The following TBC1D19 variants were observed in gnomAD, a reference collection of about 807,000 sequenced individuals.
The protein encoded by TBC1D19 is TBC1 domain family, member 19.
In TBC1D19, 60 loss-of-function variants were observed where a neutral mutation model predicts 89.0. The ratio of observed to expected loss-of-function variants is 0.67; its 90% CI spans 0.55 to 0.84. The LOEUF is 0.84. Ranked by LOEUF, TBC1D19 falls within the 40% of genes least tolerant of loss-of-function variation. The pLI, the probability that TBC1D19 is intolerant of heterozygous loss-of-function variation, is 0.00. For synonymous variants in TBC1D19, 189 were observed against 199.7 expected (o/e 0.95, Z 0.45); for missense variants, 500 against 610.8 (o/e 0.82, Z 1.91).
intron 6 of TBC1D19, 35 bp from the exon 7 acceptor site, chr4:26,640,106 A>G: frequency 7.2e-7 from 1 of 1,398,016 alleles, no homozygotes. Context: ...ATATATTATT[A>G]GCTGAAATTT....
At chr4:26,599,938 ACTCTGTCT>A (rs1192047910) in intron 1 of TBC1D19, among the ~76,000 whole-genome samples, 3 of 111,726 alleles carry the variant, frequency 2.7e-5, no homozygotes, top group Admixed American at 1.3e-4. Flanking sequence ...ACAAAGCAAT[ACTCTGTCT>A]CTCCAAAAAA....
chr4:26,731,295 A>G (rs1717648295), intron 15 of TBC1D19, among the ~76,000 whole-genome samples: 1 of 152,150 alleles, frequency 6.6e-6, no homozygotes, highest in Admixed American at 6.5e-5. Flanking sequence ...AACATTGCCT[A>G]TAGCCCTTGT....
chr4:26,852,692 T>A, the TBC1D19 span, among the ~76,000 whole-genome samples: 7 of 152,106 alleles, frequency 4.6e-5, no homozygotes, highest in South Asian at 1.5e-3. Context: ...CGATCTTGGC[T>A]CACTGCAACC....
the TBC1D19 span, among the ~76,000 whole-genome samples, chr4:26,762,066 A>G: frequency 6.6e-6 from 1 of 152,120 alleles, no homozygotes; most frequent in Non-Finnish European, 1.5e-5. Context: ...AACCTGGGAG[A>G]TGAAGGTTGC....
At chr4:26,618,882 G>A (rs1741858713) in intron 3 of TBC1D19, among the ~76,000 whole-genome samples, 1 of 152,060 alleles carries the variant, frequency 6.6e-6, no homozygotes, top group Non-Finnish European at 1.5e-5. Flanking sequence ...AGACTTGGGG[G>A]ACAAGAAAAA....
At chr4:26,858,230 A>T in the TBC1D19 span, 1 of 152,200 alleles carries the variant, frequency 6.6e-6, no homozygotes, top group African/African-American at 2.4e-5. Flanking sequence ...AATGCTGCCC[A>T]TCAGGTGTTT....
the TBC1D19 span, among the ~76,000 whole-genome samples, chr4:26,804,459 T>C: frequency 6.6e-6 from 1 of 152,248 alleles, no homozygotes; most frequent in East Asian, 1.9e-4. Context: ...GTCTGTGTTA[T>C]TTAAAAGCTG....
chr4:26,800,962 A>G, the TBC1D19 span, among the ~76,000 whole-genome samples: 33 of 152,206 alleles, frequency 2.2e-4, no homozygotes, highest in East Asian at 2.1e-3. Flanking sequence ...TAGGTTGCCT[A>G]TTCACTCTGA....
chr4:26,838,504 G>T, the TBC1D19 span, among the ~76,000 whole-genome samples: 2 of 151,998 alleles, frequency 1.3e-5, no homozygotes, highest in Admixed American at 1.3e-4. Context: ...AAAAAGCATC[G>T]CTTGTGTTCT....
At chr4:26,637,359 C>T in intron 5 of TBC1D19, 74 bp downstream of exon 5, 2 of 1,156,682 alleles carry the variant, frequency 1.7e-6, no homozygotes, top group Non-Finnish European at 2.5e-6. Context: ...AGTTATATAA[C>T]TGTTAGGCAC....
At chr4:26,646,797 A>G (rs1472157397) in intron 7 of TBC1D19, among the ~76,000 whole-genome samples, 2 of 151,830 alleles carry the variant, frequency 1.3e-5, no homozygotes, top group Non-Finnish European at 2.9e-5. Context: ...GAGGTGGGGG[A>G]ATGGGGGAGG....
the TBC1D19 span, among the ~76,000 whole-genome samples, chr4:26,822,914 T>C: frequency 6.6e-6 from 1 of 152,208 alleles, no homozygotes; most frequent in Non-Finnish European, 1.5e-5. Flanking sequence ...CACCTTGATT[T>C]TCCTTGGGAT....
the TBC1D19 span, among the ~76,000 whole-genome samples, chr4:26,828,480 C>T: frequency 1.3e-5 from 2 of 152,216 alleles, no homozygotes; most frequent in South Asian, 4.1e-4. Flanking sequence ...ATTTCCAAAT[C>T]ATCTTTGGAC....
At chr4:26,820,526 C>T in the TBC1D19 span, among the ~76,000 whole-genome samples, 1 of 152,176 alleles carries the variant, frequency 6.6e-6, no homozygotes, top group Admixed American at 6.5e-5. Context: ...GGCAGAGTTT[C>T]CTTCTTTTTA....
the TBC1D19 span, among the ~76,000 whole-genome samples, chr4:26,793,912 A>G: frequency 8.5e-5 from 13 of 152,284 alleles, no homozygotes; most frequent in African/African-American, 3.1e-4. Flanking sequence ...CAATAGTTCT[A>G]GCAAATGCTG....
At chr4:26,684,265 C>T (rs536841044) in intron 12 of TBC1D19, among the ~76,000 whole-genome samples, 5 of 152,304 alleles carry the variant, frequency 3.3e-5, no homozygotes, top group African/African-American at 9.6e-5. Flanking sequence ...TTAACGCTTT[C>T]ATCACTGAGC....
intron 4 of TBC1D19, among the ~76,000 whole-genome samples, chr4:26,630,614 A>C (rs1742746752): frequency 6.6e-6 from 1 of 151,978 alleles, no homozygotes. Flanking sequence ...AAGTTTATCC[A>C]TTCCAAACTC....
At chr4:26,848,217 C>A in the TBC1D19 span, among the ~76,000 whole-genome samples, 65,008 of 151,996 alleles carry the variant, frequency 0.43, 14,558 homozygotes, top group Middle Eastern at 0.65. Flanking sequence ...TAGAATGAAA[C>A]GGTGAGGAAA....
the TBC1D19 span, among the ~76,000 whole-genome samples, chr4:26,822,745 C>T: frequency 1.7e-3 from 261 of 152,248 alleles, no homozygotes; most frequent in African/African-American, 5.8e-3. Flanking sequence ...TCTGCAACAG[C>T]GGGGAAGCAC....
Sources: gnomAD v4.1 joint callset for allele counts (sites outside exome capture counted in the v4.1 genomes callset) on GRCh38, gnomAD v4.1.1 for gene constraint, MANE v1.5 for transcripts, NCBI Gene and HGNC (gene_info 2026-07-23, HGNC 2026-07-21) for gene names.